The following BCKDHB variants were observed in gnomAD, a reference collection of about 807,000 sequenced individuals.
BCKDHB encodes the protein branched chain keto acid dehydrogenase E1 subunit beta, also known as 2-oxoisovalerate dehydrogenase subunit beta, mitochondrial.
Under a neutral mutation model 48.5 loss-of-function variants are expected in BCKDHB, and 41 were observed. The ratio of observed to expected loss-of-function variants is 0.85; its 90% CI spans 0.66 to 1.10. The LOEUF (loss-of-function observed/expected upper bound fraction) is 1.10. BCKDHB is among the 50% of genes least tolerant of loss of function. BCKDHB has a pLI of 0.00. For synonymous variants in BCKDHB, 201 were observed against 174.8 expected, an observed-to-expected ratio of 1.15 and a Z score of -1.18; for missense variants, 496 against 494.2, an observed-to-expected ratio of 1.00 and a Z score of -0.03.
intron 1 of BCKDHB, among the ~76,000 whole-genome samples, chr6:80,121,863 T>A (rs1033864503): frequency 1.3e-5 from 2 of 152,134 alleles, no homozygotes; most frequent in African/African-American, 4.8e-5. Context: ...TCTTGCCTGA[T>A]TGCGGCTAGA....
At chr6:80,259,500 T>TA (rs1353145530) in intron 8 of BCKDHB, among the ~76,000 whole-genome samples, 1 of 152,206 alleles carries the variant, frequency 6.6e-6, no homozygotes, top group Non-Finnish European at 1.5e-5. Flanking sequence ...ATAGTATAGG[T>TA]AAAATGTGTG....
chr6:80,128,907 T>C (rs929297305), intron 2 of BCKDHB, among the ~76,000 whole-genome samples: 27 of 142,428 alleles, frequency 1.9e-4, no homozygotes, highest in South Asian at 2.3e-4. Context: ...TGTGTGTGTG[T>C]GGTAACTGTC....
At chr6:80,442,761 C>T in the BCKDHB span, among the ~76,000 whole-genome samples, 1 of 152,094 alleles carries the variant, frequency 6.6e-6, no homozygotes, top group Non-Finnish European at 1.5e-5. Context: ...TATGGAATTC[C>T]AAGAACCAGG....
chr6:80,245,336 T>C (rs1324068265), intron 8 of BCKDHB, among the ~76,000 whole-genome samples: 1 of 151,894 alleles, frequency 6.6e-6, no homozygotes, highest in Non-Finnish European at 1.5e-5. Flanking sequence ...CTTAGGGGGA[T>C]AGTTTTCTGG....
intron 6 of BCKDHB, among the ~76,000 whole-genome samples, chr6:80,187,715 CA>C (rs1554192822): frequency 6.6e-6 from 1 of 152,130 alleles, no homozygotes; most frequent in Non-Finnish European, 1.5e-5. Flanking sequence ...AGCCAACAAG[CA>C]TACGAGAAAA....
chr6:80,429,575 A>G, the BCKDHB span, among the ~76,000 whole-genome samples: 1 of 152,290 alleles, frequency 6.6e-6, no homozygotes, highest in South Asian at 2.1e-4. Context: ...GTTCTCCTTG[A>G]AGAGGTCCTT....
chr6:80,177,943 G>A (rs966950049), intron 6 of BCKDHB, among the ~76,000 whole-genome samples: 2 of 152,168 alleles, frequency 1.3e-5, no homozygotes, highest in Non-Finnish European at 2.9e-5. Flanking sequence ...GTAAATGCAA[G>A]GCTTTTGCTT....
the BCKDHB span, among the ~76,000 whole-genome samples, chr6:80,413,225 C>T: frequency 6.6e-6 from 1 of 152,068 alleles, no homozygotes; most frequent in Non-Finnish European, 1.5e-5. Flanking sequence ...ACTTATCAAT[C>T]TCTCACAAAC....
downstream of BCKDHB, among the ~76,000 whole-genome samples, chr6:80,348,032 G>C (rs9352823): frequency 6.6e-6 from 1 of 151,316 alleles, no homozygotes; most frequent in African/African-American, 2.5e-5. Flanking sequence ...TAATGTGTCT[G>C]ATTCTTTCAG....
chr6:80,377,350 A>G, the BCKDHB span, among the ~76,000 whole-genome samples: 1 of 152,010 alleles, frequency 6.6e-6, no homozygotes, highest in East Asian at 1.9e-4. Context: ...CCTGATTTTT[A>G]TGAAGTCCAA....
In BCKDHB at chr6:80,327,866, C is replaced by CT. The variant is rs544745383; in HGVS notation, c.1039-15795dup. 3.3e-4 allele frequency among the ~76,000 whole-genome samples: 50 copies of CT among 151,770 alleles called. No homozygotes were observed. The East Asian group carries it at 6.0e-3, about 18-fold the overall frequency. On this transcript the variant is annotated intron_variant, in intron 9 of 9. Coordinates refer to ENST00000320393, the MANE Select transcript of BCKDHB (RefSeq NM_183050.4). ...GTCCTTGGTGTTTCTTAATGTCTTC[C>CT]TTTCTCTTTTTTCCCTCCCCTTTTC...
At chr6:80,129,676 T>A (rs192002567) in intron 3 of BCKDHB, among the ~76,000 whole-genome samples, 4 of 152,188 alleles carry the variant, frequency 2.6e-5, no homozygotes, top group African/African-American at 9.6e-5. Context: ...GTGAGTTTAG[T>A]TTTAAGGAAC....
chr6:80,239,493 TG>T (rs760690465), intron 8 of BCKDHB, among the ~76,000 whole-genome samples: 6 of 152,228 alleles, frequency 3.9e-5, no homozygotes, highest in Non-Finnish European at 7.3e-5. Context: ...TTGTAGATTC[TG>T]GATATTAGCC....
chr6:80,384,445 A>C, the BCKDHB span, among the ~76,000 whole-genome samples: 3 of 151,024 alleles, frequency 2.0e-5, no homozygotes, highest in Non-Finnish European at 4.4e-5. Flanking sequence ...TCCAACCTCT[A>C]CCTCCCAGGT....
intron 9 of BCKDHB, among the ~76,000 whole-genome samples, chr6:80,291,511 CA>C (rs1766914879): frequency 6.6e-6 from 1 of 152,184 alleles, no homozygotes; most frequent in Non-Finnish European, 1.5e-5. Context: ...GCAAGATCAG[CA>C]AAATTATCCC....
rs942329866 is a variant in BCKDHB, at chr6:80,272,196, C to G, written c.952-939C>G. Among the ~76,000 whole-genome samples, 3 of 152,136 alleles carry G rather than the reference C, an allele frequency of 2.0e-5. 1 individual carries two copies. The highest frequency in any genetic ancestry group is 4.1e-4 in the South Asian group (2 of 4,830). On this transcript the variant is annotated intron_variant, in intron 8 of 9. Coordinates refer to ENST00000320393, the MANE Select transcript of BCKDHB (RefSeq NM_183050.4). ...AGAGTTTAACATATGCTAGCTGAAA[C>G]TGCTGCATACTTTTTAAATTCTGAA... is the stretch of plus-strand genomic sequence containing the variant.
At chr6:80,311,019 T>C (rs1250362220) in intron 9 of BCKDHB, among the ~76,000 whole-genome samples, 1 of 152,204 alleles carries the variant, frequency 6.6e-6, no homozygotes, top group African/African-American at 2.4e-5. Flanking sequence ...GATGGTGATA[T>C]GGTTTGGCTG....
intron 9 of BCKDHB, among the ~76,000 whole-genome samples, chr6:80,341,626 A>AT (rs1400273934): frequency 2.6e-5 from 4 of 152,218 alleles, no homozygotes; most frequent in Non-Finnish European, 5.9e-5. Context: ...GAAAGGAGTG[A>AT]TTTTAACAAA....
intron 6 of BCKDHB, among the ~76,000 whole-genome samples, chr6:80,191,658 T>G (rs1582321566): frequency 6.6e-6 from 1 of 152,134 alleles, no homozygotes; most frequent in Non-Finnish European, 1.5e-5. Context: ...TATCTGCTTA[T>G]GTGCCAATAT....
Sources: gnomAD v4.1 joint callset for allele counts (sites outside exome capture counted in the v4.1 genomes callset) on GRCh38, gnomAD v4.1.1 for gene constraint, MANE v1.5 for transcripts, NCBI Gene and HGNC (gene_info 2026-07-23, HGNC 2026-07-21) for gene names.